The following THEMIS variants were observed in gnomAD, a reference collection of about 807,000 sequenced individuals.
The protein encoded by THEMIS is thymocyte selection associated.
Under a neutral mutation model 52.6 loss-of-function variants are expected in THEMIS, and 37 were observed. The observed-to-expected ratio is 0.70, with a 90% confidence interval of 0.54 to 0.93. The LOEUF (loss-of-function observed/expected upper bound fraction) is 0.93, where lower values mean the gene tolerates loss of function less well. Ranked by LOEUF, THEMIS falls within the 40% of genes least tolerant of loss-of-function variation. The pLI, the probability that THEMIS is intolerant of heterozygous loss-of-function variation, is 0.00. For synonymous variants in THEMIS, 292 were observed against 272.7 expected, an observed-to-expected ratio of 1.07 and a Z score of -0.70; for missense variants, 808 against 763.1, an observed-to-expected ratio of 1.06 and a Z score of -0.69.
chr6:127,905,580 G>C (rs552237350), upstream of THEMIS, among the ~76,000 whole-genome samples: 2 of 152,158 alleles, frequency 1.3e-5, no homozygotes, highest in South Asian at 2.1e-4. Context: ...ATATGTCAGT[G>C]AACTGAATAT....
At chr6:127,895,185 A>G (rs903868421) in intron 1 of THEMIS, among the ~76,000 whole-genome samples, 3 of 151,258 alleles carry the variant, frequency 2.0e-5, no homozygotes, top group Non-Finnish European at 4.4e-5. Flanking sequence ...TCCTTAGTTG[A>G]GTAAAGGTTA....
chr6:127,887,028 T>C (rs900624781), intron 1 of THEMIS, among the ~76,000 whole-genome samples: 3 of 147,430 alleles, frequency 2.0e-5, no homozygotes, highest in East Asian at 2.1e-4. Flanking sequence ...AAAAAATACA[T>C]TGGATTTCAT....
chr6:127,811,633 AT>A (rs1367678466), intron 4 of THEMIS, among the ~76,000 whole-genome samples: 2 of 152,212 alleles, frequency 1.3e-5, no homozygotes, highest in African/African-American at 4.8e-5. Flanking sequence ...ATTTAGGCAT[AT>A]AAATATTTGA....
chr6:127,913,863 A>T (rs1276341305), intron 1 of THEMIS, among the ~76,000 whole-genome samples: 1 of 152,206 alleles, frequency 6.6e-6, no homozygotes, highest in East Asian at 1.9e-4. Flanking sequence ...GCTTGCTAGA[A>T]CTTAATTGGG....
chr6:127,730,134 G>A (rs1025191274), intron 4 of THEMIS, among the ~76,000 whole-genome samples: 21 of 151,868 alleles, frequency 1.4e-4, no homozygotes, highest in African/African-American at 4.6e-4. Context: ...AGGAGTGGTG[G>A]TGGGTGCCTG....
intron 3 of THEMIS, among the ~76,000 whole-genome samples, chr6:127,824,925 A>AAAAC (rs57655447): frequency 0.37 from 55,210 of 151,240 alleles, 10,801 homozygotes; most frequent in Non-Finnish European, 0.44. Flanking sequence ...ACTCCGTCTC[A>AAAAC]AAACAAACAA....
At chr6:127,700,352 G>T in the THEMIS span, among the ~76,000 whole-genome samples, 1 of 151,310 alleles carries the variant, frequency 6.6e-6, no homozygotes, top group East Asian at 1.9e-4. Flanking sequence ...CCCAGCTTGA[G>T]ATTTCCTCAG....
At chr6:127,897,447 C>T (rs768993791) in intron 1 of THEMIS, among the ~76,000 whole-genome samples, 4 of 151,018 alleles carry the variant, frequency 2.6e-5, no homozygotes, top group Non-Finnish European at 5.9e-5. Flanking sequence ...AAATCAATAA[C>T]AAAAATGTAT....
At chr6:127,874,461 T>C (rs1780253556) in intron 1 of THEMIS, among the ~76,000 whole-genome samples, 1 of 152,250 alleles carries the variant, frequency 6.6e-6, no homozygotes, top group Non-Finnish European at 1.5e-5. Flanking sequence ...AATAGATTAG[T>C]AGCTACATAT....
intron 4 of THEMIS, among the ~76,000 whole-genome samples, chr6:127,780,627 A>C (rs535091138): frequency 6.6e-6 from 1 of 152,204 alleles, no homozygotes; most frequent in Non-Finnish European, 1.5e-5. Context: ...CTTGTCTGTA[A>C]AGGATTTTAT....
intron 5 of THEMIS, 39 bp downstream of exon 5, chr6:127,719,641 GACAGTTAA>G: frequency 6.5e-7 from 1 of 1,535,626 alleles, no homozygotes; most frequent in Non-Finnish European, 8.8e-7. Flanking sequence ...TTGTCATGTG[GACAGTTAA>G]ACCACCGTGG....
At chr6:127,729,152 CTCT>C (rs1774660678) in intron 4 of THEMIS, among the ~76,000 whole-genome samples, 2 of 22,334 alleles carry the variant, frequency 9.0e-5, no homozygotes, top group East Asian at 8.6e-4. Flanking sequence ...CTCTCTCTCT[CTCT>C]CTCTCTCTCT....
chr6:127,808,920 G>A (rs982169370), intron 4 of THEMIS, among the ~76,000 whole-genome samples: 4 of 152,074 alleles, frequency 2.6e-5, no homozygotes, highest in Admixed American at 1.3e-4. Flanking sequence ...ATAACCAACC[G>A]CAGATACCTG....
chr6:127,854,934 A>T, intron 2 of THEMIS, 96 bp downstream of exon 2: 1 of 1,158,770 alleles, frequency 8.6e-7, no homozygotes, highest in Non-Finnish European at 1.1e-6. Context: ...CCTAGAGTGA[A>T]AAACAGACCA....
At chr6:127,871,296 C>G (rs1780149799) in intron 1 of THEMIS, among the ~76,000 whole-genome samples, 1 of 151,802 alleles carries the variant, frequency 6.6e-6, no homozygotes, top group Admixed American at 6.6e-5. Flanking sequence ...TATATACATA[C>G]ACATACACAT....
chr6:127,699,041 C>T, the THEMIS span, among the ~76,000 whole-genome samples: 1 of 117,576 alleles, frequency 8.5e-6, no homozygotes, highest in Non-Finnish European at 2.1e-5. Context: ...TCTCCACTCT[C>T]TTCATATTTC....
intron 4 of THEMIS, among the ~76,000 whole-genome samples, chr6:127,721,624 G>A (rs1433755050): frequency 1.3e-5 from 2 of 151,908 alleles, no homozygotes; most frequent in Non-Finnish European, 2.9e-5. Context: ...CACCCCACTT[G>A]TTTATTTTTA....
intron 4 of THEMIS, among the ~76,000 whole-genome samples, chr6:127,730,881 T>G (rs985162886): frequency 6.6e-6 from 1 of 152,218 alleles, no homozygotes; most frequent in East Asian, 1.9e-4. Context: ...GTAGGCAAAT[T>G]TGAATGCTCA....
At chr6:127,892,082 G>A (rs1045736577) in intron 1 of THEMIS, among the ~76,000 whole-genome samples, 5 of 152,060 alleles carry the variant, frequency 3.3e-5, no homozygotes, top group African/African-American at 9.7e-5. Flanking sequence ...AGGTCCTACG[G>A]GTTTCCCAGC....
Sources: allele counts gnomAD v4.1 joint callset (sites outside exome capture counted in the v4.1 genomes callset), GRCh38; gene constraint gnomAD v4.1.1; transcripts MANE v1.5; gene names NCBI Gene and HGNC (gene_info 2026-07-23, HGNC 2026-07-21).